BBS1: variants seen among roughly 807,000 people sequenced by gnomAD.
BBS1 encodes the protein Bardet-Biedl syndrome 1, also known as BBSome complex member BBS1.
Under a neutral mutation model 73.9 loss-of-function variants are expected in BBS1, and 60 were observed. The observed-to-expected ratio is 0.81, with a 90% CI of 0.66 to 1.01. The LOEUF (loss-of-function observed/expected upper bound fraction) is 1.01, where lower values mean the gene tolerates loss of function less well. Among genes scored for constraint, BBS1 ranks in the 50% least tolerant of loss-of-function variants. The pLI, the probability that BBS1 is intolerant of heterozygous loss-of-function variation, is 0.00. For missense variants in BBS1, 718 were observed against 770.3 expected, an observed-to-expected ratio of 0.93 and a Z score of 0.80; for synonymous variants, 283 against 317.4, an observed-to-expected ratio of 0.89 and a Z score of 1.15.
chr11:66,519,208 TA>T (rs1176606604), intron 7 of BBS1, among the ~76,000 whole-genome samples: 1 of 152,024 alleles, frequency 6.6e-6, no homozygotes, highest in Non-Finnish European at 1.5e-5. Flanking sequence ...ATGGTGAAAC[TA>T]AAAATACAAA....
Position 66,532,624 on chromosome 11 carries a change from A to G in BBS1, c.*587A>G. On this transcript the variant is annotated 3_prime_UTR_variant, in exon 17 of 17. Transcript: ENST00000318312. ...TCCTCTCCCCAGGAAACTTCTCTGA[A>G]ATCTTAGACTTAGCCAGTCTTAGGC... The G allele has an allele frequency of 6.5e-6, 1 of 154,998 alleles. No homozygotes were observed. The highest frequency in any genetic ancestry group is 1.4e-5 in the Non-Finnish European group (1 of 69,716). The allele number at this position is 154,998 out of a possible 1,614,324, so 9.6% of individuals were successfully genotyped here.
chr11:66,523,500 C>G lies in BBS1; in HGVS notation c.875C>G (p.Pro292Arg), dbSNP rs1856337732. 1 of 1,614,016 alleles carries G rather than the reference C, an allele frequency of 6.2e-7. No homozygotes were observed. The highest frequency in any genetic ancestry group is 8.5e-7 in the Non-Finnish European group (1 of 1,180,018). Residue 292 changes from proline (P) to arginine (R), a missense_variant, in exon 10 of 17, where the codon CCT (proline) becomes CGT (arginine). Transcript: ENST00000318312. The part of the protein sequence containing the change: ...PKYCIELSAQ[P>R]VGLIRVHKVL... Reference sequence around the variant, plus strand: ...TACTGCATCGAGCTGAGCGCCCAGCCTGTGGGACTTATCCGGGTACACAAG... The same window carrying G: ...TACTGCATCGAGCTGAGCGCCCAGCGTGTGGGACTTATCCGGGTACACAAG...
At chr11:66,523,633 G>A in intron 10 of BBS1, 57 bp downstream of exon 10, 1 of 1,612,636 alleles carries the variant, frequency 6.2e-7, no homozygotes, top group Non-Finnish European at 8.5e-7. Context: ...CCCCCACTTG[G>A]CAAGAGAGTC....
In BBS1 at chr11:66,526,690, T is replaced by C; in HGVS notation, c.1222T>C (p.Phe408Leu). The part of the protein sequence containing the change: ...IIKILKRTAV[F>L]VEGGSEVGPP... ...CAAGATCCTGAAGCGTACAGCAGTG[T>C]TTGTAGAGGGAGGAAGTGAGGTGGG... The change falls in exon 13 of 17, where the codon TTT becomes CTT. Residue 408 changes from phenylalanine (F) to leucine (L), a missense_variant. Phe to Leu is a conservative substitution (Grantham distance 22). Transcript: ENST00000318312. The C allele has an allele frequency of 6.2e-7, 1 of 1,614,132 alleles. No individual in the cohort carries two copies. Among genetic ancestry groups the C allele is most frequent in the Non-Finnish European group, 8.5e-7 (1 of 1,180,022 alleles).
intron 5 of BBS1, 30 bp downstream of exon 5, chr11:66,515,616 C>A: frequency 3.7e-6 from 6 of 1,614,176 alleles, no homozygotes; most frequent in Non-Finnish European, 5.1e-6. Flanking sequence ...TTCATACCCC[C>A]CTCACTCCTT....
Position 66,529,906 on chromosome 11 carries a change from GC to G in BBS1, c.1432del (p.Leu478CysfsTer101). On this transcript the variant is annotated frameshift_variant, in exon 14 of 17. Coordinates refer to ENST00000318312, the MANE Select transcript of BBS1 (RefSeq NM_024649.5). LOFTEE classifies it high-confidence loss of function. Reference protein sequence around the residue: ...AYLQALESSLSPLSTTAREPL... With the variant: ...AYLQALESSLXPLSTTAREPL... ...CTGCAGGCCCTCGAGTCCAGCCTGAGCCCCCTGTCCACGACAGCCCGAGAGC... is the reference window on the plus strand; with the variant it reads ...CTGCAGGCCCTCGAGTCCAGCCTGAGCCCCTGTCCACGACAGCCCGAGAGC... The G allele has an allele frequency of 6.2e-7, 1 of 1,607,212 alleles. No individual in the cohort carries two copies. Among genetic ancestry groups the G allele is most frequent in the Non-Finnish European group, 8.5e-7 (1 of 1,179,834 alleles).
At chr11:66,529,028 AATTAATTCTGG>A (rs541663415) in intron 13 of BBS1, 1 of 972,030 alleles carries the variant, frequency 1.0e-6, no homozygotes, top group East Asian at 1.1e-4. Context: ...CAGCCACAAA[AATTAATTCTGG>A]ATAGATTAAA....
intron 4 of BBS1, 79 bp from the exon 5 acceptor site, chr11:66,515,459 AGT>A: frequency 6.9e-7 from 1 of 1,453,770 alleles, no homozygotes; most frequent in Non-Finnish European, 9.7e-7. Context: ...TACCCCTAGA[AGT>A]GTGGAGCTGT....
intron 3 of BBS1, among the ~76,000 whole-genome samples, chr11:66,513,329 A>G (rs1209080047): frequency 1.3e-5 from 2 of 152,026 alleles, no homozygotes; most frequent in Non-Finnish European, 2.9e-5. Flanking sequence ...ATATTTGGAA[A>G]GAATAAATGT....
intron 13 of BBS1, 117 bp from the exon 14 acceptor site, chr11:66,529,702 C>T (rs982459280): frequency 2.2e-6 from 3 of 1,333,946 alleles, no homozygotes; most frequent in Non-Finnish European, 3.2e-6. Flanking sequence ...CAGACTCCTC[C>T]TGCAGCACCC....
rs757289650 is a variant in BBS1, at chr11:66,532,088, C to T, written c.*51C>T. 26 of 1,547,454 alleles carry T rather than the reference C, an allele frequency of 1.7e-5. No individual in the cohort carries two copies. The highest frequency in any genetic ancestry group is 5.8e-5 in the Admixed American group (3 of 52,112). On this transcript the variant is annotated 3_prime_UTR_variant, in exon 17 of 17. Transcript: ENST00000318312. ...GCACAATCAGCCAGGGAGAACTGGGCGGGTTTAGTGGCCCCAGGCCCACTC... is the reference window on the plus strand; with the variant it reads ...GCACAATCAGCCAGGGAGAACTGGGTGGGTTTAGTGGCCCCAGGCCCACTC...
chr11:66,523,693 C>T (rs754022677), intron 10 of BBS1, 31 bp from the exon 11 acceptor site: 5 of 1,610,076 alleles, frequency 3.1e-6, no homozygotes, highest in Non-Finnish European at 4.2e-6. Flanking sequence ...AAGCCCTGAG[C>T]CCTCCACAGA....
intron 6 of BBS1, 61 bp from the exon 7 acceptor site, chr11:66,515,800 A>G (rs1856037646): frequency 1.4e-5 from 22 of 1,614,098 alleles, no homozygotes; most frequent in Non-Finnish European, 1.7e-5. Context: ...AGAATGTGCC[A>G]GAATGATGGA....
chr11:66,521,886 C>G (rs1432410683), intron 9 of BBS1, among the ~76,000 whole-genome samples: 1 of 101,580 alleles, frequency 9.8e-6, no homozygotes, highest in Non-Finnish European at 1.8e-5. Flanking sequence ...GCCTGGGTAA[C>G]GGAGCGAGAC....
chr11:66,526,571 G>C (rs1856503462), intron 12 of BBS1, 78 bp from the exon 13 acceptor site: 2 of 1,592,816 alleles, frequency 1.3e-6, no homozygotes, highest in Admixed American at 1.7e-5. Context: ...ATAGGAGGCA[G>C]ATTGTTTGGG....
At chr11:66,530,802 G>A in intron 14 of BBS1, 92 bp from the exon 15 acceptor site, 2 of 1,552,928 alleles carry the variant, frequency 1.3e-6, no homozygotes, top group South Asian at 1.1e-5. Flanking sequence ...GAGGGGACAT[G>A]AGGGCATTGG....
intron 7 of BBS1, among the ~76,000 whole-genome samples, chr11:66,516,346 G>A (rs1213167590): frequency 2.0e-5 from 3 of 151,856 alleles, no homozygotes; most frequent in Middle Eastern, 3.2e-3. Flanking sequence ...GGCTGGTCTC[G>A]AACTCCTGAC....
At chr11:66,514,049 C>A (rs1012386749) in intron 3 of BBS1, among the ~76,000 whole-genome samples, 6 of 152,230 alleles carry the variant, frequency 3.9e-5, no homozygotes, top group Non-Finnish European at 8.8e-5. Flanking sequence ...CCACACTGAC[C>A]TCTACCACTG....
chr11:66,519,581 G>A (rs757372800), intron 7 of BBS1, 36 bp from the exon 8 acceptor site: 4 of 1,612,956 alleles, frequency 2.5e-6, no homozygotes, highest in South Asian at 1.1e-5. Context: ...GTGGTGTGTG[G>A]AGGTTCCCTG....
Sources: gnomAD v4.1 joint callset for allele counts (sites outside exome capture counted in the v4.1 genomes callset) on GRCh38, gnomAD v4.1.1 for gene constraint, MANE v1.5 for transcripts, NCBI Gene and HGNC (gene_info 2026-07-23, HGNC 2026-07-21) for gene names.